DIP2C: variants seen among roughly 807,000 people sequenced by gnomAD.
DIP2C encodes the protein DIP2 acetate--CoA ligase C (putative), also known as disco-interacting protein 2 homolog C.
DIP2C carries 33 observed loss-of-function variants against 192.4 expected under a neutral mutation model. That is an observed-to-expected ratio of 0.17 (90% CI 0.13 to 0.23). DIP2C has a LOEUF of 0.23. DIP2C is among the 10% of genes least tolerant of loss of function. The pLI is 1.00. For synonymous variants in DIP2C, 979 were observed against 864.1 expected, an observed-to-expected ratio of 1.13 and a Z score of -2.33; for missense variants, 1,537 against 2,110.1, an observed-to-expected ratio of 0.73 and a Z score of 5.32.
chr10:398,502 C>T lies in DIP2C; in HGVS notation c.1260+607G>A, dbSNP rs145770519. On this transcript the variant is annotated intron_variant, in intron 10 of 36. Transcript: ENST00000280886. ...ATGTCTCATGTGTCCCTAAAATGTA[C>T]GAACCCAAAAGCTGCAGCCGGACCA... Among the ~76,000 whole-genome samples the T allele has an allele frequency of 9.6e-3, 1,463 of 152,276 alleles. 21 individuals are homozygous for T. The highest frequency in any genetic ancestry group is 0.028 in the African/African-American group (1,176 of 41,556).
intron 1 of DIP2C, among the ~76,000 whole-genome samples, chr10:670,352 A>G (rs988814340): frequency 5.3e-5 from 8 of 150,272 alleles, no homozygotes; most frequent in Admixed American, 2.6e-4. Flanking sequence ...ACATGCACAT[A>G]CATACACATA....
At position 662,932 on chromosome 10, in the gene DIP2C, A is replaced by G. The variant is rs1018498781; in HGVS notation, c.85+26562T>C. On this transcript the variant is annotated intron_variant, in intron 1 of 36. Transcript: ENST00000280886. ...CTCTCGGGAGAGGTGGATGTACGCTAATGGTTCTCAGCTCCGACCTCTGTG... is the reference window on the plus strand; with the variant it reads ...CTCTCGGGAGAGGTGGATGTACGCTGATGGTTCTCAGCTCCGACCTCTGTG... The G allele has an allele frequency of 1.3e-4, 92 of 717,334 alleles. 1 individual carries two copies. The Admixed American group carries it at 1.7e-3, about 13-fold the overall frequency. 44.4% of individuals were successfully genotyped at this position (717,334 alleles called of 1,614,324 possible). A position where few individuals can be genotyped will look rare whatever the true frequency, so the allele number is the denominator to read the frequency against.
In DIP2C at chr10:363,065, G is replaced by C; in HGVS notation, c.2592+132C>G. 2 of 741,654 alleles carry C rather than the reference G, an allele frequency of 2.7e-6. No individual in the cohort carries two copies. Among genetic ancestry groups the C allele is most frequent in the African/African-American group, 1.8e-5 (1 of 56,924 alleles). The allele number at this position is 741,654 out of a possible 1,614,324, so 45.9% of individuals were successfully genotyped here. ...TTTCTGGACACTTGATGTAGTTCCT[G>C]ATCAAATGAAGGGAAGGGAAAAAGG... On this transcript the variant is annotated intron_variant, in intron 21 of 36. Transcript: ENST00000280886. This position sits in a 1 kb window ranked among gnomAD's most constrained non-coding sequence, Gnocchi z 5.4.
At chr10:314,519 G>C (rs553244811) in intron 31 of DIP2C, among the ~76,000 whole-genome samples, 19 of 152,198 alleles carry the variant, frequency 1.2e-4, no homozygotes, top group Non-Finnish European at 2.6e-4. Flanking sequence ...AGGGAGGTTG[G>C]CCCTCCCTGT....
chr10:684,494 A>T (rs893714541), intron 1 of DIP2C, among the ~76,000 whole-genome samples: 6 of 152,198 alleles, frequency 3.9e-5, no homozygotes, highest in Non-Finnish European at 7.3e-5. Context: ...TTTTCAGAGT[A>T]AACTATTTCT....
chr10:439,154 C>T (rs559016870), intron 4 of DIP2C, among the ~76,000 whole-genome samples: 4 of 152,310 alleles, frequency 2.6e-5, no homozygotes, highest in East Asian at 1.9e-4. Context: ...CCCCTAATTA[C>T]GTGCTGTTGC....
At chr10:424,880 T>C (rs1020441701) in intron 4 of DIP2C, among the ~76,000 whole-genome samples, 2 of 152,142 alleles carry the variant, frequency 1.3e-5, no homozygotes, top group Non-Finnish European at 2.9e-5. Flanking sequence ...CTCAACATAA[T>C]AGCAGCAAAC....
chr10:289,671 G>T (rs1955378374), intron 32 of DIP2C, among the ~76,000 whole-genome samples: 1 of 152,202 alleles, frequency 6.6e-6, no homozygotes. Context: ...GAGGGGTAGG[G>T]AAGGGGCAGG....
rs374123656 is a variant in DIP2C at position 648,419 on chromosome 10, G to A, written c.85+41075C>T. 2.2e-4 allele frequency among the ~76,000 whole-genome samples: 33 copies of A among 151,364 alleles called. 2 individuals are homozygous for A. Among genetic ancestry groups the A allele is most frequent in the East Asian group, 7.9e-4 (4 of 5,088 alleles). ...GAGACCAGAAGGAAACTGAGTCCACGTCCACATTTCACAGTGGGAGAGAAC... is the reference window on the plus strand; with the variant it reads ...GAGACCAGAAGGAAACTGAGTCCACATCCACATTTCACAGTGGGAGAGAAC... On this transcript the variant is annotated intron_variant, in intron 1 of 36. Transcript: ENST00000280886.
intron 1 of DIP2C, among the ~76,000 whole-genome samples, chr10:555,415 G>T (rs10904498): frequency 6.6e-6 from 1 of 152,134 alleles, no homozygotes; most frequent in South Asian, 2.1e-4. Flanking sequence ...GTAAGGACAC[G>T]CTGGCTACTA....
chr10:377,244 CAT>C (rs1258497124), intron 17 of DIP2C, among the ~76,000 whole-genome samples: 1 of 151,480 alleles, frequency 6.6e-6, no homozygotes, highest in Admixed American at 6.6e-5. Flanking sequence ...AACTCTTTCT[CAT>C]AAGCCTTGGC....
At chr10:356,348 A>AAGAAGC in intron 24 of DIP2C, 78 bp downstream of exon 24, 1 of 1,497,524 alleles carries the variant, frequency 6.7e-7, no homozygotes, top group South Asian at 1.1e-5. Context: ...GATTCAAAGA[A>AAGAAGC]AGAAGCAGGA....
chr10:592,084 AAG>A (rs1273554655), intron 1 of DIP2C, among the ~76,000 whole-genome samples: 6 of 152,208 alleles, frequency 3.9e-5, no homozygotes, highest in Admixed American at 3.9e-4. Flanking sequence ...GGTATTCAAC[AAG>A]AGGTTTTTTT....
chr10:337,269 TG>T (rs1957861442), intron 29 of DIP2C, among the ~76,000 whole-genome samples: 2 of 144,412 alleles, frequency 1.4e-5, no homozygotes, highest in Non-Finnish European at 1.5e-5. Flanking sequence ...CCTAGGCTGA[TG>T]TGTGTGTGTG....
intron 1 of DIP2C, among the ~76,000 whole-genome samples, chr10:619,504 G>A (rs1853701029): frequency 6.7e-6 from 1 of 148,496 alleles, no homozygotes; most frequent in Non-Finnish European, 1.5e-5. Flanking sequence ...CGGGAGCACA[G>A]GCTTTATGCC....
intron 1 of DIP2C, among the ~76,000 whole-genome samples, chr10:525,661 G>C (rs952186238): frequency 6.6e-6 from 1 of 152,150 alleles, no homozygotes; most frequent in East Asian, 1.9e-4. Flanking sequence ...GAGAGAACAG[G>C]GTAGGATAAC....
At chr10:450,320 C>T (rs967564563) in intron 3 of DIP2C, among the ~76,000 whole-genome samples, 5 of 152,188 alleles carry the variant, frequency 3.3e-5, no homozygotes, top group Admixed American at 6.5e-5. Flanking sequence ...AGAGGTCCCA[C>T]GTAGACATTT....
chr10:400,885 C>T (rs951656100), intron 9 of DIP2C, among the ~76,000 whole-genome samples: 1 of 151,458 alleles, frequency 6.6e-6, no homozygotes, highest in African/African-American at 2.4e-5. Flanking sequence ...TAGCATTACT[C>T]TTCCTTATGG....
At chr10:434,141 T>C (rs1005026879) in intron 4 of DIP2C, among the ~76,000 whole-genome samples, 4 of 152,234 alleles carry the variant, frequency 2.6e-5, no homozygotes, top group Admixed American at 6.5e-5. Context: ...CTGTCATTCA[T>C]TTCACTTACA....
Sources: gnomAD v4.1 joint callset for allele counts (sites outside exome capture counted in the v4.1 genomes callset) on GRCh38, gnomAD v4.1.1 for gene constraint, Gnocchi (gnomAD v3.1) non-coding constraint, MANE v1.5 for transcripts, NCBI Gene and HGNC (gene_info 2026-07-23, HGNC 2026-07-21) for gene names.